Variants in PARM1 observed in about 807,000 individuals in gnomAD.
PARM1 encodes the protein WSC4, cell wall integrity and stress response component 4 homolog.
A neutral mutation model predicts 24.6 loss-of-function variants in PARM1; 14 were observed. The observed-to-expected ratio is 0.57, with a 90% CI of 0.38 to 0.89. PARM1 has a LOEUF of 0.89. Among genes scored for constraint, PARM1 ranks in the 40% least tolerant of loss-of-function variants. PARM1 has a pLI of 0.00. For missense variants in PARM1, 362 were observed against 380.4 expected (o/e 0.95, Z 0.40); for synonymous variants, 179 against 156.6 (o/e 1.14, Z -1.07).
intron 1 of PARM1, among the ~76,000 whole-genome samples, chr4:74,996,722 T>C (rs1373625278): frequency 6.6e-6 from 1 of 152,200 alleles, no homozygotes; most frequent in East Asian, 1.9e-4. Flanking sequence ...AGATTGATTG[T>C]TTTATTACAG....
At chr4:75,011,903 T>C (rs573812050) in intron 1 of PARM1, among the ~76,000 whole-genome samples, 2 of 152,294 alleles carry the variant, frequency 1.3e-5, no homozygotes, top group Non-Finnish European at 2.9e-5. Flanking sequence ...GCAGAATGGA[T>C]AGCCCTCAAG....
intron 1 of PARM1, among the ~76,000 whole-genome samples, chr4:74,975,675 C>A (rs1722128807): frequency 6.6e-6 from 1 of 152,120 alleles, no homozygotes; most frequent in Admixed American, 6.5e-5. Context: ...AGTTCAACAA[C>A]TTCTGTGTAA....
intron 1 of PARM1, among the ~76,000 whole-genome samples, chr4:75,010,729 G>A (rs772795875): frequency 9.2e-5 from 14 of 152,144 alleles, no homozygotes; most frequent in Non-Finnish European, 1.8e-4. Context: ...TCAGTGAAAG[G>A]ACATGAGCTG....
Position 74,933,382 on chromosome 4 carries a change from C to A in PARM1, c.43+12C>A. ...CATCTTAACTGCAGGTAATTGGCGCCATCCTCCCGGAAGGGCAGGTCGCGG... is the reference window on the plus strand; with the variant it reads ...CATCTTAACTGCAGGTAATTGGCGCAATCCTCCCGGAAGGGCAGGTCGCGG... On this transcript the variant is annotated intron_variant, in intron 1 of 3. Coordinates refer to ENST00000307428, the MANE Select transcript of PARM1 (RefSeq NM_015393.4). 6.2e-7 allele frequency: 1 copy of A among 1,611,986 alleles called. No individual in the cohort carries two copies. Among genetic ancestry groups the A allele is most frequent in the Middle Eastern group, 1.7e-4 (1 of 6,060 alleles).
chr4:75,035,665 T>G (rs770152129), intron 3 of PARM1, among the ~76,000 whole-genome samples: 10 of 152,120 alleles, frequency 6.6e-5, no homozygotes, highest in Non-Finnish European at 1.5e-4. Flanking sequence ...CTCCATCTTG[T>G]GTTCTAAATG....
chr4:74,939,037 C>T (rs896232298), intron 1 of PARM1, among the ~76,000 whole-genome samples: 3 of 152,104 alleles, frequency 2.0e-5, no homozygotes, highest in Non-Finnish European at 1.5e-5. Context: ...ACATTCTATG[C>T]AATATTTGGG....
intron 2 of PARM1, among the ~76,000 whole-genome samples, chr4:75,031,032 C>CA (rs1280714126): frequency 1.3e-5 from 2 of 152,194 alleles, no homozygotes; most frequent in African/African-American, 4.8e-5. Flanking sequence ...GCAACCCCTT[C>CA]ATGTTCTCAA....
intron 2 of PARM1, among the ~76,000 whole-genome samples, chr4:75,029,876 T>TA (rs556173736): frequency 1.4e-3 from 201 of 141,600 alleles, no homozygotes; most frequent in African/African-American, 2.0e-3. Flanking sequence ...ATGATTAGGC[T>TA]AAAAAAAAAA....
chr4:75,045,362 G>A (rs1723580356), intron 3 of PARM1, among the ~76,000 whole-genome samples: 1 of 152,196 alleles, frequency 6.6e-6, no homozygotes, highest in South Asian at 2.1e-4. Context: ...TCTGAGATGA[G>A]GATCCATTCA....
At chr4:74,938,598 C>T (rs1329433369) in intron 1 of PARM1, among the ~76,000 whole-genome samples, 2 of 152,124 alleles carry the variant, frequency 1.3e-5, no homozygotes, top group Non-Finnish European at 2.9e-5. Flanking sequence ...AGGTTGTCAT[C>T]TAGTTAATCT....
chr4:75,046,664 G>C lies in PARM1; in HGVS notation c.*417G>C, dbSNP rs920466653. On this transcript the variant is annotated 3_prime_UTR_variant, in exon 4 of 4. Coordinates refer to ENST00000307428, the MANE Select transcript of PARM1 (RefSeq NM_015393.4). Reference sequence around the variant, plus strand: ...GAAATTACATTAAGTATTAATGAGGGGAAAGGAAATGAGCTCTACGAGGAT... The same window carrying C: ...GAAATTACATTAAGTATTAATGAGGCGAAAGGAAATGAGCTCTACGAGGAT... The C allele has an allele frequency of 4.9e-5, 8 of 164,784 alleles. No individual in the cohort carries two copies. The highest frequency in any genetic ancestry group is 1.9e-4 in the African/African-American group (8 of 41,674). 10.2% of individuals were successfully genotyped at this position (164,784 alleles called of 1,614,324 possible). A position where few individuals can be genotyped will look rare whatever the true frequency, so the allele number is the denominator to read the frequency against.
At chr4:74,965,096 C>A (rs1019772155) in intron 1 of PARM1, 15 of 152,194 alleles carry the variant, frequency 9.9e-5, no homozygotes, top group Non-Finnish European at 2.1e-4. Flanking sequence ...ATTCCAGGAA[C>A]AAGACAGTTT....
chr4:74,955,497 A>G (rs1319385227), intron 1 of PARM1, among the ~76,000 whole-genome samples: 1 of 152,232 alleles, frequency 6.6e-6, no homozygotes, highest in Non-Finnish European at 1.5e-5. Flanking sequence ...TTTTTCTTGG[A>G]TGATCCAAAG....
intron 2 of PARM1, among the ~76,000 whole-genome samples, chr4:75,015,670 G>A (rs967475904): frequency 2.0e-5 from 3 of 152,166 alleles, no homozygotes; most frequent in African/African-American, 7.2e-5. Flanking sequence ...TAGGCAGAAG[G>A]ATCTTTGGGA....
At chr4:75,003,712 A>T (rs1001098992) in intron 1 of PARM1, among the ~76,000 whole-genome samples, 1 of 152,186 alleles carries the variant, frequency 6.6e-6, no homozygotes, top group African/African-American at 2.4e-5. Flanking sequence ...GGTTTTGTAG[A>T]TGTTAGATGA....
At position 75,047,743 on chromosome 4, in the gene PARM1, A is replaced by C. The variant is rs1336075847; in HGVS notation, c.*1496A>C. On this transcript the variant is annotated 3_prime_UTR_variant, in exon 4 of 4. Transcript: ENST00000307428. ...CCCACTGTGACAGAACAAGACACTC[A>C]CAGATTAGTGATACGTTTTATTTTT... 1 of 152,232 alleles carries C rather than the reference A, an allele frequency of 6.6e-6. No homozygotes were observed. The highest frequency in any genetic ancestry group is 1.5e-5 in the Non-Finnish European group (1 of 68,040). The allele number at this position is 152,232 out of a possible 1,614,324, so 9.4% of individuals were successfully genotyped here. A position where few individuals can be genotyped will look rare whatever the true frequency, so the allele number is the denominator to read the frequency against.
At chr4:74,953,902 G>A (rs1474119158) in intron 1 of PARM1, among the ~76,000 whole-genome samples, 3 of 152,128 alleles carry the variant, frequency 2.0e-5, no homozygotes, top group African/African-American at 7.2e-5. Flanking sequence ...CTGGTGAAGT[G>A]GCCTATCTCT....
chr4:75,007,423 G>A (rs1312656171), intron 1 of PARM1, among the ~76,000 whole-genome samples: 2 of 152,124 alleles, frequency 1.3e-5, no homozygotes, highest in Non-Finnish European at 1.5e-5. Context: ...CACAGGGCAG[G>A]AGTTCTAGTT....
chr4:74,999,647 A>C (rs1345618063), intron 1 of PARM1, among the ~76,000 whole-genome samples: 1 of 152,256 alleles, frequency 6.6e-6, no homozygotes, highest in Non-Finnish European at 1.5e-5. Context: ...AACTTAAACA[A>C]ATAAAAATCT....
Sources: allele counts gnomAD v4.1 joint callset (sites outside exome capture counted in the v4.1 genomes callset), GRCh38; gene constraint gnomAD v4.1.1; transcripts MANE v1.5; gene names NCBI Gene and HGNC (gene_info 2026-07-23, HGNC 2026-07-21).